TRIM13: variants seen among roughly 807,000 people sequenced by gnomAD.
TRIM13 encodes tripartite motif containing 13, also known as E3 ubiquitin-protein ligase TRIM13.
In TRIM13, 15 loss-of-function variants were observed where a neutral mutation model predicts 27.1. That is an observed-to-expected ratio of 0.55 (90% CI 0.37 to 0.85). TRIM13 has a LOEUF of 0.85. TRIM13 is among the 40% of genes least tolerant of loss of function. The pLI, the probability that TRIM13 is intolerant of heterozygous loss-of-function variation, is 0.00. For synonymous variants in TRIM13, 193 were observed against 171.5 expected, an observed-to-expected ratio of 1.13 and a Z score of -0.98; for missense variants, 402 against 472.2, an observed-to-expected ratio of 0.85 and a Z score of 1.38.
chr13:50,014,344 A>AAAAAAAATATATAT lies in TRIM13; in HGVS notation c.*1181_*1182insAAAAAATATATATA, dbSNP rs1555325057. ...AAAAAAAAAAAAAAAAAAAAAAAAA[A>AAAAAAAATATATAT]ATATATATATATATATACACACACA... is the stretch of plus-strand genomic sequence containing the variant. On this transcript the variant is annotated 3_prime_UTR_variant, in exon 2 of 2. Transcript: ENST00000378182. 1.0e-4 allele frequency: 2 copies of AAAAAAAATATATAT among 19,718 alleles called. No individual in the cohort carries two copies. The highest frequency in any genetic ancestry group is 1.7e-4 in the Non-Finnish European group (2 of 12,100). 1.2% of individuals were successfully genotyped at this position (19,718 alleles called of 1,614,324 possible).
chr13:50,014,404 T>C lies in TRIM13; in HGVS notation c.*1240T>C, dbSNP rs1212202475. The stretch of plus-strand genomic sequence containing the variant: ...ATGTACACATACATATATATACATA[T>C]ATATGTATATATAGAACACATGGCA... On this transcript the variant is annotated 3_prime_UTR_variant, in exon 2 of 2. Coordinates refer to ENST00000378182, the MANE Select transcript of TRIM13 (RefSeq NM_213590.3). 1.3e-5 allele frequency: 2 copies of C among 151,684 alleles called. No individual in the cohort carries two copies. The highest frequency in any genetic ancestry group is 3.1e-5 in the Non-Finnish European group (2 of 65,108). 9.4% of individuals were successfully genotyped at this position (151,684 alleles called of 1,614,324 possible).
intron 1 of TRIM13, among the ~76,000 whole-genome samples, chr13:50,003,680 G>T (rs1874321895): frequency 6.6e-6 from 1 of 152,082 alleles, no homozygotes; most frequent in Admixed American, 6.5e-5. Context: ...AGCTGTTGTT[G>T]CCAGATACTA....
rs1875843247 is a variant in TRIM13 at position 50,012,953 on chromosome 13, G to T, written c.1013G>T (p.Trp338Leu). 6.2e-7 allele frequency: 1 copy of T among 1,613,432 alleles called. No individual in the cohort carries two copies. The highest frequency in any genetic ancestry group is 1.3e-5 in the African/African-American group (1 of 74,788). Residue 338 changes from tryptophan to leucine, a missense_variant, in exon 2 of 2, where the codon TGG becomes TTG. Physicochemically the swap from Trp to Leu is moderately conservative, Grantham distance 61. Transcript: ENST00000378182. ...IVFGPTMFLE[W>L]SLFDDLATWK... ...TTTGGTCCTACCATGTTCCTAGAAT[G>T]GTCATTATTTGATGACCTGGCAACT...
Position 50,012,014 on chromosome 13 carries a change from G to C in TRIM13, c.74G>C (p.Cys25Ser). Residue 25 changes from cysteine (C) to serine (S), a missense_variant, in exon 2 of 2, where the codon TGC (cysteine) becomes TCC (serine). By Grantham distance (112) the Cys-to-Ser change is moderately radical. Coordinates refer to ENST00000378182, the MANE Select transcript of TRIM13 (RefSeq NM_213590.3). Reference sequence around the variant, plus strand: ...TTTGATGATCCACGGGTTTTGCCTTGCTCCCACAACTTCTGCAAAAAATGC... The same window carrying C: ...TTTGATGATCCACGGGTTTTGCCTTCCTCCCACAACTTCTGCAAAAAATGC... ...SLFDDPRVLP[C>S]SHNFCKKCLE... 6.2e-7 allele frequency: 1 copy of C among 1,613,632 alleles called. No homozygotes were observed. The highest frequency in any genetic ancestry group is 8.5e-7 in the Non-Finnish European group (1 of 1,179,952).
intron 1 of TRIM13, among the ~76,000 whole-genome samples, chr13:49,999,108 C>T (rs998434905): frequency 1.7e-4 from 6 of 35,876 alleles, no homozygotes; most frequent in Admixed American, 1.4e-3. Flanking sequence ...CCTATGTGGG[C>T]GTCTGGGCCG....
chr13:50,015,971 C>G lies in TRIM13; in HGVS notation c.*2807C>G. Reference sequence around the variant, plus strand: ...CTGGAATGGTAACTTTTTCCCTCCTCAGATGACCTTACTTCCACTGCCTCC... The same window carrying G: ...CTGGAATGGTAACTTTTTCCCTCCTGAGATGACCTTACTTCCACTGCCTCC... On this transcript the variant is annotated 3_prime_UTR_variant, in exon 2 of 2. Coordinates refer to ENST00000378182, the MANE Select transcript of TRIM13 (RefSeq NM_213590.3). 7 of 1,614,122 alleles carry G rather than the reference C, an allele frequency of 4.3e-6. No homozygotes were observed. The highest frequency in any genetic ancestry group is 5.9e-6 in the Non-Finnish European group (7 of 1,179,952).
chr13:50,013,182 C>T lies in TRIM13; in HGVS notation c.*18C>T. 1.3e-6 allele frequency: 2 copies of T among 1,517,536 alleles called. No homozygotes were observed. Among genetic ancestry groups the T allele is most frequent in the Admixed American group, 2.3e-5 (1 of 43,562 alleles). 94.0% of individuals were successfully genotyped at this position (1,517,536 alleles called of 1,614,324 possible). A position where few individuals can be genotyped will look rare whatever the true frequency, so the allele number is the denominator to read the frequency against. ...TATTATAAAATCTGTTTCAAGTATG[C>T]AGTTTTCTTTTGTTAGAAATTGTTA... On this transcript the variant is annotated 3_prime_UTR_variant, in exon 2 of 2. Coordinates refer to ENST00000378182, the MANE Select transcript of TRIM13 (RefSeq NM_213590.3).
chr13:50,009,512 G>T (rs536310679), intron 1 of TRIM13, among the ~76,000 whole-genome samples: 2 of 152,222 alleles, frequency 1.3e-5, no homozygotes, highest in East Asian at 3.9e-4. Flanking sequence ...TGAGGCGGAT[G>T]GATCACCTGA....
chr13:50,014,313 C>CAAAAAAAAAAAAAAA lies in TRIM13; in HGVS notation c.*1167_*1181dup, dbSNP rs1173935698. On this transcript the variant is annotated 3_prime_UTR_variant, in exon 2 of 2. Transcript: ENST00000378182. ...AAACATAGCAAGACCCAGTCTCTACCAAAAAAAAAAAAAAAAAAAAAAAAA... is the reference window on the plus strand; with the variant it reads ...AAACATAGCAAGACCCAGTCTCTACCAAAAAAAAAAAAAAAAAAAAAAAAAAAAAAAAAAAAAAAA... The CAAAAAAAAAAAAAAA allele has an allele frequency of 5.2e-5, 1 of 19,284 alleles. No homozygotes were observed. The allele number at this position is 19,284 out of a possible 1,614,324, so 1.2% of individuals were successfully genotyped here.
chr13:50,000,579 G>A (rs1273134027), intron 1 of TRIM13, among the ~76,000 whole-genome samples: 2 of 152,150 alleles, frequency 1.3e-5, no homozygotes, highest in Non-Finnish European at 2.9e-5. Flanking sequence ...ATGGGGGAAA[G>A]GCATGTAATA....
chr13:50,003,778 G>C (rs1021079906), intron 1 of TRIM13, among the ~76,000 whole-genome samples: 1 of 152,114 alleles, frequency 6.6e-6, no homozygotes, highest in Non-Finnish European at 1.5e-5. Context: ...AACTCATAGT[G>C]GTGGTATGCA....
intron 1 of TRIM13, among the ~76,000 whole-genome samples, chr13:50,010,972 CTG>C (rs1256337187): frequency 6.6e-6 from 1 of 152,174 alleles, no homozygotes; most frequent in Non-Finnish European, 1.5e-5. Context: ...TATTAAAAAA[CTG>C]TACACAGGCT....
Position 50,015,523 on chromosome 13 carries a change from T to C in TRIM13, c.*2359T>C. On this transcript the variant is annotated 3_prime_UTR_variant, in exon 2 of 2. Coordinates refer to ENST00000378182, the MANE Select transcript of TRIM13 (RefSeq NM_213590.3). The stretch of plus-strand genomic sequence containing the variant: ...GTAGTCAGGAACTGGTCACTTTGAA[T>C]GTGGGAGGGAAGATATTCACGACAA... The C allele has an allele frequency of 6.2e-7, 1 of 1,613,520 alleles. No individual in the cohort carries two copies. The highest frequency in any genetic ancestry group is 8.5e-7 in the Non-Finnish European group (1 of 1,179,688).
At chr13:50,007,501 A>C (rs1218741021) in intron 1 of TRIM13, among the ~76,000 whole-genome samples, 2 of 150,850 alleles carry the variant, frequency 1.3e-5, no homozygotes, top group South Asian at 2.1e-4. Context: ...AAAAAAAAAA[A>C]AAACGCCAGG....
rs1876647378 is a variant in TRIM13 at position 50,016,803 on chromosome 13, A to C, written c.*3639A>C. 6.0e-6 allele frequency: 1 copy of C among 166,880 alleles called. No homozygotes were observed. Among genetic ancestry groups the C allele is most frequent in the Admixed American group, 6.5e-5 (1 of 15,270 alleles). The allele number at this position is 166,880 out of a possible 1,614,324, so 10.3% of individuals were successfully genotyped here. ...TTTACCAACTGTGAAAGCTGGCTTT[A>C]ATTTTTAGGAGGAAAAGAAAAGCCT... On this transcript the variant is annotated 3_prime_UTR_variant, in exon 2 of 2. Coordinates refer to ENST00000378182, the MANE Select transcript of TRIM13 (RefSeq NM_213590.3).
At chr13:50,009,999 G>A (rs941678460) in intron 1 of TRIM13, among the ~76,000 whole-genome samples, 2 of 150,512 alleles carry the variant, frequency 1.3e-5, no homozygotes, top group Non-Finnish European at 3.0e-5. Flanking sequence ...AGTTGGTAAA[G>A]GAAGGAATAT....
intron 1 of TRIM13, among the ~76,000 whole-genome samples, chr13:50,008,246 CAT>C (rs776332171): frequency 3.5e-4 from 53 of 152,196 alleles, no homozygotes; most frequent in Non-Finnish European, 6.2e-4. Context: ...CCGATTAAGT[CAT>C]ATGTTATTGT....
At chr13:50,004,627 A>C (rs1169936435) in intron 1 of TRIM13, among the ~76,000 whole-genome samples, 1 of 151,796 alleles carries the variant, frequency 6.6e-6, no homozygotes, top group East Asian at 1.9e-4. Context: ...GCCAGGTGGT[A>C]GTGGTGCATG....
In TRIM13 at chr13:50,013,993, A is replaced by G. The variant is rs1012098262; in HGVS notation, c.*829A>G. 6.0e-6 allele frequency: 1 copy of G among 166,778 alleles called. No individual in the cohort carries two copies. The highest frequency in any genetic ancestry group is 1.5e-5 in the Non-Finnish European group (1 of 68,048). 10.3% of individuals were successfully genotyped at this position (166,778 alleles called of 1,614,324 possible). On this transcript the variant is annotated 3_prime_UTR_variant, in exon 2 of 2. Coordinates refer to ENST00000378182, the MANE Select transcript of TRIM13 (RefSeq NM_213590.3). ...TTTCCAAAATTTTCTACAGAGAGTT[A>G]ATTATCACCAAAATGTGAATGGTAC...
Sources: gnomAD v4.1 joint callset for allele counts (sites outside exome capture counted in the v4.1 genomes callset) on GRCh38, gnomAD v4.1.1 for gene constraint, MANE v1.5 for transcripts, NCBI Gene and HGNC (gene_info 2026-07-23, HGNC 2026-07-21) for gene names.